The following PRPF8 variants were observed in gnomAD, a reference collection of about 807,000 sequenced individuals.
PRPF8 encodes pre-mRNA processing factor 8.
A neutral mutation model predicts 285.9 loss-of-function variants in PRPF8; 64 were observed. The observed-to-expected ratio is 0.22, with a 90% CI of 0.18 to 0.28. The LOEUF (loss-of-function observed/expected upper bound fraction) is 0.28, where lower values mean the gene tolerates loss of function less well. Among genes scored for constraint, PRPF8 ranks in the 10% least tolerant of loss-of-function variants. The probability of loss-of-function intolerance (pLI) is 1.00; values close to 1 mark genes in which losing one functional copy is unlikely to be tolerated. For missense variants in PRPF8, 1,426 were observed against 3,026.7 expected, an observed-to-expected ratio of 0.47 and a Z score of 12.41; for synonymous variants, 1,325 against 1,118.2, an observed-to-expected ratio of 1.18 and a Z score of -3.69.
chr17:1,656,593 A>C, intron 35 of PRPF8, 28 bp from the exon 36 acceptor site: 1 of 1,614,126 alleles, frequency 6.2e-7, no homozygotes, highest in Non-Finnish European at 8.5e-7. Context: ...CCAAGATGAG[A>C]AACAGCCTGA....
In PRPF8 at chr17:1,673,670, A is replaced by C; in HGVS notation, c.3446+76T>G. On this transcript the variant is annotated intron_variant, in intron 22 of 42. Coordinates refer to ENST00000304992, the MANE Select transcript of PRPF8 (RefSeq NM_006445.4). This position sits in a 1 kb window ranked among gnomAD's most constrained non-coding sequence, Gnocchi z 5.5. ...CACAGCCACGCCTCTCCCACCCAGG[A>C]CGCAGCCTCAGGTATGCCCTCTCTG... 1 of 1,611,872 alleles carries C rather than the reference A, an allele frequency of 6.2e-7. No homozygotes were observed. Among genetic ancestry groups the C allele is most frequent in the Non-Finnish European group, 8.5e-7 (1 of 1,179,084 alleles).
chr17:1,677,708 C>A lies in PRPF8; in HGVS notation c.1855-14G>T. ...CCCTACAGGGCCCTACGATCCCAAG[C>A]AGAAGTTAAGAATACAAGTTAGCAA... On this transcript the variant is annotated splice_polypyrimidine_tract_variant and intron_variant, in intron 13 of 42. Transcript: ENST00000304992. The A allele has an allele frequency of 6.2e-7, 1 of 1,613,658 alleles. No homozygotes were observed. The highest frequency in any genetic ancestry group is 2.2e-5 in the East Asian group (1 of 44,872).
At chr17:1,674,299 G>T in intron 21 of PRPF8, 143 bp downstream of exon 21, 3 of 890,738 alleles carry the variant, frequency 3.4e-6, no homozygotes, top group South Asian at 2.8e-5. Flanking sequence ...TGGGATTACA[G>T]GCGTGAGCTA....
At chr17:1,662,827 T>C (rs1486145616) in intron 24 of PRPF8, among the ~76,000 whole-genome samples, 2 of 129,248 alleles carry the variant, frequency 1.5e-5, no homozygotes, top group East Asian at 4.2e-4. Flanking sequence ...CAAGACTGTG[T>C]CTCAAAAAAA....
rs1451919177 is a variant in PRPF8 at position 1,661,191 on chromosome 17, T to C, written c.4339-29A>G. On this transcript the variant is annotated intron_variant, in intron 27 of 42. Transcript: ENST00000304992. This position sits in a 1 kb window ranked among gnomAD's most constrained non-coding sequence, Gnocchi z 7.3. The stretch of plus-strand genomic sequence containing the variant: ...GATGGCAAGGCAGGCACGGTCAAGC[T>C]TCTGGGTGCCTATTGCCCCAAGTTT... The C allele has an allele frequency of 6.2e-7, 1 of 1,614,164 alleles. No individual in the cohort carries two copies. The highest frequency in any genetic ancestry group is 8.5e-7 in the Non-Finnish European group (1 of 1,180,036).
At chr17:1,678,940 T>C (rs1912760346) in intron 11 of PRPF8, 59 bp from the exon 12 acceptor site, 2 of 1,613,724 alleles carry the variant, frequency 1.2e-6, no homozygotes, top group South Asian at 2.2e-5. Context: ...AACTGATGTA[T>C]GCCTTCATCA....
In PRPF8 at chr17:1,683,656, C is replaced by T. The variant is rs988863886; in HGVS notation, c.146G>A (p.Arg49Gln). The T allele has an allele frequency of 6.2e-7, 1 of 1,614,010 alleles. No individual in the cohort carries two copies. Among genetic ancestry groups the T allele is most frequent in the Non-Finnish European group, 8.5e-7 (1 of 1,180,042 alleles). Residue 49 changes from arginine to glutamine, a missense_variant, in exon 3 of 43, where the codon CGG becomes CAG. Coordinates refer to ENST00000304992, the MANE Select transcript of PRPF8 (RefSeq NM_006445.4). ...CTGGGCATCCACAAACCCAAACTTC[C>T]GCTTTTCTGCATAGCGCTTGGCCTG... ...QLQAKRYAEKRKFGFVDAQKE... is the reference protein window; with the variant it reads ...QLQAKRYAEKQKFGFVDAQKE...
At position 1,665,159 on chromosome 17, in the gene PRPF8, C is replaced by CAAAAAAA. The variant is rs562789942; in HGVS notation, c.3775-3013_3775-3007dup. ...CGGGCGAAAATGTGAGACTCTGCCT[C>CAAAAAAA]AAAAAAAAAAAAAAAAAAAAAGGGA... On this transcript the variant is annotated intron_variant, in intron 24 of 42. Transcript: ENST00000304992. Among the ~76,000 whole-genome samples the CAAAAAAA allele has an allele frequency of 1.2e-3, 65 of 53,470 alleles. No individual in the cohort carries two copies. The Middle Eastern group carries it at 0.035, about 29-fold the overall frequency. The allele number at this position is 53,470 out of a possible 152,430, so 35.1% of individuals were successfully genotyped here.
At position 1,684,471 on chromosome 17, in the gene PRPF8, C is replaced by T; in HGVS notation, c.100+1G>A. 6.2e-7 allele frequency: 1 copy of T among 1,612,634 alleles called. No homozygotes were observed. The highest frequency in any genetic ancestry group is 8.5e-7 in the Non-Finnish European group (1 of 1,179,706). On this transcript the variant is annotated splice_donor_variant, in intron 2 of 42. Coordinates refer to ENST00000304992, the MANE Select transcript of PRPF8 (RefSeq NM_006445.4). LOFTEE classifies it high-confidence loss of function. ...CGCGCCGCTCCACACTCTCGCCTCA[C>T]CTTTCTCCTGCAGCTTCTCCTCCGA...
intron 24 of PRPF8, among the ~76,000 whole-genome samples, chr17:1,664,836 A>G (rs991242565): frequency 6.6e-6 from 1 of 152,162 alleles, no homozygotes; most frequent in African/African-American, 2.4e-5. Flanking sequence ...TTTTAACTAA[A>G]TAAAAATGAA....
chr17:1,656,250 C>A, intron 36 of PRPF8, 142 bp downstream of exon 36: 2 of 1,135,630 alleles, frequency 1.8e-6, no homozygotes, highest in Non-Finnish European at 2.6e-6. Flanking sequence ...ACTTTAAGGT[C>A]TTAAACTCTC....
At chr17:1,678,454 G>A in intron 13 of PRPF8, 64 bp downstream of exon 13, 3 of 1,607,022 alleles carry the variant, frequency 1.9e-6, no homozygotes, top group Non-Finnish European at 2.6e-6. Flanking sequence ...TTGCACACCA[G>A]CCCAAGAGAC....
chr17:1,675,776 C>A lies in PRPF8; in HGVS notation c.2716G>T (p.Val906Phe). The change falls in exon 19 of 43, where the codon GTT becomes TTT. Residue 906 changes from valine (V) to phenylalanine (F), a missense_variant. Physicochemically the swap from Val to Phe is conservative, Grantham distance 50. This residue lies in a region of PRPF8 where 70 missense variants were observed against 273.7 expected (regional missense o/e 0.26). Transcript: ENST00000304992. The surrounding 1 kb of genome is among the most constrained non-coding windows in gnomAD (Gnocchi z 6.0). ...AGGGGCTCAACATCATATACTGGAA[C>A]GAGGTGGCTATACAGATCCATGAAC... ...IEFMDLYSHLVPVYDVEPLEK... is the reference protein window; with the variant it reads ...IEFMDLYSHLFPVYDVEPLEK... 1.2e-6 allele frequency: 2 copies of A among 1,614,146 alleles called. No individual in the cohort carries two copies. Among genetic ancestry groups the A allele is most frequent in the Non-Finnish European group, 8.5e-7 (1 of 1,180,040 alleles).
At position 1,682,717 on chromosome 17, in the gene PRPF8, G is replaced by A. The variant is rs550466717; in HGVS notation, c.270-424C>T. ...CCCTCTGCTCGCTACTATATCCCCA[G>A]CAGCCAGCACAGTTCTCTAAGTATT... is the stretch of plus-strand genomic sequence containing the variant. On this transcript the variant is annotated intron_variant, in intron 3 of 42. Transcript: ENST00000304992. Among the ~76,000 whole-genome samples the A allele has an allele frequency of 2.6e-5, 4 of 152,292 alleles. No individual in the cohort carries two copies. The East Asian group carries it at 7.7e-4, about 29-fold the overall frequency.
intron 8 of PRPF8, 70 bp downstream of exon 8, chr17:1,680,656 T>A (rs1912864383): frequency 7.1e-7 from 1 of 1,400,746 alleles, no homozygotes; most frequent in Admixed American, 1.7e-5. Flanking sequence ...CCTGAGCGTT[T>A]AGTAACATCA....
In PRPF8 at chr17:1,655,496, G is replaced by A. The variant is rs142499204; in HGVS notation, c.5841C>T (p.Asn1947=). ...GCTTCAGGATCACTTTTGCCCGATC[G>A]TTGTTCACATGTAGGGCACGCAGAA... ...ILILRALHVN[N]DRAKVILKPD... Residue 1947 remains asparagine (N), a synonymous_variant, in exon 37 of 43, where the codon AAC becomes AAT. Transcript: ENST00000304992. 95 of 1,614,040 alleles carry A rather than the reference G, an allele frequency of 5.9e-5. No individual in the cohort carries two copies. In the African/African-American group the frequency reaches 6.7e-4, roughly 11 times the overall value.
intron 4 of PRPF8, 29 bp from the exon 5 acceptor site, chr17:1,682,067 T>C: frequency 6.2e-7 from 1 of 1,613,530 alleles, no homozygotes; most frequent in Non-Finnish European, 8.5e-7. Flanking sequence ...CACAACCATT[T>C]CTACCCACTG....
Position 1,680,780 on chromosome 17 carries a change from T to C in PRPF8, c.1044A>G (p.Pro348=), listed in dbSNP as rs2151131054. 1.9e-6 allele frequency: 3 copies of C among 1,614,150 alleles called. No individual in the cohort carries two copies. Among genetic ancestry groups the C allele is most frequent in the Middle Eastern group, 1.6e-4 (1 of 6,062 alleles). Reference sequence around the variant, plus strand: ...TGATCAAAGGGTCAAAGTAGAAAGCTGGCAAGTCAGGATCCTCAGTTTTGA... The same window carrying C: ...TGATCAAAGGGTCAAAGTAGAAAGCCGGCAAGTCAGGATCCTCAGTTTTGA... ...VFIKTEDPDL[P]AFYFDPLINP... The change falls in exon 8 of 43, where the codon CCA becomes CCG. Residue 348 remains proline, a synonymous_variant. Coordinates refer to ENST00000304992, the MANE Select transcript of PRPF8 (RefSeq NM_006445.4).
intron 24 of PRPF8, among the ~76,000 whole-genome samples, chr17:1,666,557 A>G (rs1409781814): frequency 6.6e-6 from 1 of 152,132 alleles, no homozygotes; most frequent in Non-Finnish European, 1.5e-5. Flanking sequence ...AAAAAAAAAA[A>G]AAATCAATGC....
Sources: allele counts gnomAD v4.1 joint callset (sites outside exome capture counted in the v4.1 genomes callset), GRCh38; gene constraint gnomAD v4.1.1; regional missense constraint gnomAD v4.1.1; non-coding constraint Gnocchi (gnomAD v3.1); transcripts MANE v1.5; gene names NCBI Gene and HGNC (gene_info 2026-07-23, HGNC 2026-07-21).